The following AGAP1 variants were observed in gnomAD, a reference collection of about 807,000 sequenced individuals.
AGAP1 encodes ArfGAP with GTPase domain, ankyrin repeat and PH domain 1.
In AGAP1, 29 loss-of-function variants were observed where a neutral mutation model predicts 105.3. That is an observed-to-expected ratio of 0.28 (90% CI 0.21 to 0.38). The LOEUF (loss-of-function observed/expected upper bound fraction) is 0.38, where lower values mean the gene tolerates loss of function less well. AGAP1 is among the 10% of genes least tolerant of loss of function. The pLI, the probability that AGAP1 is intolerant of heterozygous loss-of-function variation, is 1.00. For synonymous variants in AGAP1, 509 were observed against 485.9 expected, an observed-to-expected ratio of 1.05 and a Z score of -0.63; for missense variants, 998 against 1,165.1, an observed-to-expected ratio of 0.86 and a Z score of 2.09.
In AGAP1 at chr2:236,123,854, C is replaced by T; in HGVS notation, c.2371-65C>T. 6.3e-7 allele frequency: 1 copy of T among 1,590,948 alleles called. No homozygotes were observed. Among genetic ancestry groups the T allele is most frequent in the East Asian group, 2.2e-5 (1 of 44,670 alleles). ...GCCACATGCAAGGGCTGAGAGAAAG[C>T]TTCCCTGCCCCCTCCCTCCATCACA... is the stretch of plus-strand genomic sequence containing the variant. On this transcript the variant is annotated intron_variant, in intron 17 of 17. Coordinates refer to ENST00000304032, the MANE Select transcript of AGAP1 (RefSeq NM_001037131.3). This position sits in a 1 kb window ranked among gnomAD's most constrained non-coding sequence, Gnocchi z 4.6.
chr2:235,568,583 A>T (rs1043999411), intron 1 of AGAP1, among the ~76,000 whole-genome samples: 1 of 152,034 alleles, frequency 6.6e-6, no homozygotes, highest in African/African-American at 2.4e-5. Context: ...TTGGAGGAGG[A>T]TGTGGATCGC....
chr2:236,063,609 G>C (rs1055345322), intron 16 of AGAP1, among the ~76,000 whole-genome samples: 1 of 152,206 alleles, frequency 6.6e-6, no homozygotes. Context: ...AAGATTAATT[G>C]ATTGATTTCT....
chr2:235,799,708 G>A lies in AGAP1; in HGVS notation c.957+186G>A, dbSNP rs536214577. On this transcript the variant is annotated intron_variant, in intron 8 of 17. Transcript: ENST00000304032. The surrounding 1 kb of genome is among the most constrained non-coding windows in gnomAD (Gnocchi z 5.0). ...AAGATTTGGATGTTGAGTAGAATGGGAATTTCTTCATGTAGACATTCCTGA... is the reference window on the plus strand; with the variant it reads ...AAGATTTGGATGTTGAGTAGAATGGAAATTTCTTCATGTAGACATTCCTGA... 6.6e-6 allele frequency among the ~76,000 whole-genome samples: 1 copy of A among 152,172 alleles called. No individual in the cohort carries two copies. The highest frequency in any genetic ancestry group is 2.4e-5 in the African/African-American group (1 of 41,438).
chr2:235,922,051 T>G (rs1268877028), intron 11 of AGAP1, among the ~76,000 whole-genome samples: 1 of 152,230 alleles, frequency 6.6e-6, no homozygotes, highest in Non-Finnish European at 1.5e-5. Flanking sequence ...CGTCGCCTCC[T>G]TCATCCAGTT....
In AGAP1 at chr2:235,659,914, A is replaced by G. The variant is rs773262674; in HGVS notation, c.164-49265A>G. Among the ~76,000 whole-genome samples, 1 of 152,096 alleles carries G rather than the reference A, an allele frequency of 6.6e-6. No individual in the cohort carries two copies. The highest frequency in any genetic ancestry group is 1.9e-4 in the East Asian group (1 of 5,182). On this transcript the variant is annotated intron_variant, in intron 1 of 17. Coordinates refer to ENST00000304032, the MANE Select transcript of AGAP1 (RefSeq NM_001037131.3). This position sits in a 1 kb window ranked among gnomAD's most constrained non-coding sequence, Gnocchi z 5.0. ...GCTCTTTGTGCACAATGGGCCTGGC[A>G]TGGGCCCAGGCTGGTGGGGTGGGCA...
At chr2:235,823,634 T>C (rs1261375835) in intron 9 of AGAP1, among the ~76,000 whole-genome samples, 1 of 152,222 alleles carries the variant, frequency 6.6e-6, no homozygotes, top group Non-Finnish European at 1.5e-5. Flanking sequence ...TCTTATTCCT[T>C]GTGCACTTCT....
In AGAP1 at chr2:236,095,885, G is replaced by A. The variant is rs907334964; in HGVS notation, c.2115-24307G>A. 2.8e-5 allele frequency among the ~76,000 whole-genome samples: 4 copies of A among 144,640 alleles called. No homozygotes were observed. The Admixed American group carries it at 2.8e-4, about 10-fold the overall frequency. 94.9% of individuals were successfully genotyped at this position (144,640 alleles called of 152,430 possible). A position where few individuals can be genotyped will look rare whatever the true frequency, so the allele number is the denominator to read the frequency against. The stretch of plus-strand genomic sequence containing the variant: ...AGCTGCTTTTTTCCTTTTAGGATGT[G>A]CCTCTCCATAGAGAAGAAGTTCACA... On this transcript the variant is annotated intron_variant, in intron 16 of 17. Coordinates refer to ENST00000304032, the MANE Select transcript of AGAP1 (RefSeq NM_001037131.3). The surrounding 1 kb of genome is among the most constrained non-coding windows in gnomAD (Gnocchi z 4.1).
In AGAP1 at chr2:235,720,164, T is replaced by C. The variant is rs1208929132; in HGVS notation, c.310+2520T>C. 2.6e-5 allele frequency among the ~76,000 whole-genome samples: 4 copies of C among 152,218 alleles called. No homozygotes were observed. Among genetic ancestry groups the C allele is most frequent in the Admixed American group, 1.3e-4 (2 of 15,292 alleles). ...AAACAAATGAGAAGCCGTGTTTCTT[T>C]CATACCACGGTCTTGCCATCCTGAA... On this transcript the variant is annotated intron_variant, in intron 3 of 17. Transcript: ENST00000304032. The surrounding 1 kb of genome is among the most constrained non-coding windows in gnomAD (Gnocchi z 5.0).
At chr2:235,884,452 GTT>G (rs35976413) in intron 10 of AGAP1, among the ~76,000 whole-genome samples, 7 of 124,626 alleles carry the variant, frequency 5.6e-5, no homozygotes, top group African/African-American at 9.4e-5. Flanking sequence ...ATTTTTCACT[GTT>G]TTTTTTTTTT....
At position 235,720,962 on chromosome 2, in the gene AGAP1, C is replaced by G. The variant is rs1395637549; in HGVS notation, c.310+3318C>G. ...GATGCATTTTGGTTGATATTTTATT[C>G]TTGTAGTGAAGAGAGCCAACTCACA... On this transcript the variant is annotated intron_variant, in intron 3 of 17. Coordinates refer to ENST00000304032, the MANE Select transcript of AGAP1 (RefSeq NM_001037131.3). The surrounding 1 kb of genome is among the most constrained non-coding windows in gnomAD (Gnocchi z 5.0). Among the ~76,000 whole-genome samples, 1 of 152,136 alleles carries G rather than the reference C, an allele frequency of 6.6e-6. No homozygotes were observed. Among genetic ancestry groups the G allele is most frequent in the Non-Finnish European group, 1.5e-5 (1 of 68,026 alleles).
At chr2:236,048,747 C>T (rs2057803480) in intron 15 of AGAP1, among the ~76,000 whole-genome samples, 1 of 152,214 alleles carries the variant, frequency 6.6e-6, no homozygotes, top group Admixed American at 6.5e-5. Context: ...TCAGCCCTCT[C>T]AAGGTGAATG....
In AGAP1 at chr2:236,073,944, C is replaced by G. The variant is rs1362325173; in HGVS notation, c.2114+24663C>G. ...GCTGCACATCCCAGCTCAAGAACCA[C>G]CCTCTGGGTGCCAAGGTCTCCTCCA... On this transcript the variant is annotated intron_variant, in intron 16 of 17. Coordinates refer to ENST00000304032, the MANE Select transcript of AGAP1 (RefSeq NM_001037131.3). The surrounding 1 kb of genome is among the most constrained non-coding windows in gnomAD (Gnocchi z 5.4). Among the ~76,000 whole-genome samples the G allele has an allele frequency of 5.9e-5, 9 of 152,038 alleles. No individual in the cohort carries two copies. In the South Asian group the frequency reaches 1.9e-3, roughly 32 times the overall value.
Position 235,552,635 on chromosome 2 carries a change from A to G in AGAP1, c.163+57786A>G, listed in dbSNP as rs1943849833. On this transcript the variant is annotated intron_variant, in intron 1 of 17. Transcript: ENST00000304032. This position sits in a 1 kb window ranked among gnomAD's most constrained non-coding sequence, Gnocchi z 5.9. ...GCGGCGTATGGGCAGGTGCACACAC[A>G]CCTGGCAGAGGTTTGGAGCTGGGTT... Among the ~76,000 whole-genome samples the G allele has an allele frequency of 6.6e-6, 1 of 152,166 alleles. No individual in the cohort carries two copies. The highest frequency in any genetic ancestry group is 2.4e-5 in the African/African-American group (1 of 41,454).
At chr2:235,759,410 C>T (rs1261711978) in intron 6 of AGAP1, among the ~76,000 whole-genome samples, 3 of 151,980 alleles carry the variant, frequency 2.0e-5, no homozygotes, top group South Asian at 2.1e-4. Flanking sequence ...ACCTCGTGAT[C>T]CGCCCGCCTT....
intron 10 of AGAP1, among the ~76,000 whole-genome samples, chr2:235,902,566 C>T (rs913361288): frequency 6.6e-5 from 10 of 152,126 alleles, no homozygotes; most frequent in Non-Finnish European, 1.3e-4. Flanking sequence ...TTTGTATCAC[C>T]GCCAATCTTG....
At chr2:235,715,279 A>G (rs1380898857) in intron 2 of AGAP1, among the ~76,000 whole-genome samples, 1 of 152,136 alleles carries the variant, frequency 6.6e-6, no homozygotes, top group Admixed American at 6.5e-5. Context: ...GCCAGGGACT[A>G]TGACAAGTGT....
At chr2:235,899,814 AGGTTTGAGCAGGCATG>A (rs1323382396) in intron 10 of AGAP1, among the ~76,000 whole-genome samples, 2 of 152,218 alleles carry the variant, frequency 1.3e-5, no homozygotes, top group Non-Finnish European at 2.9e-5. Flanking sequence ...CGTACAGGCT[AGGTTTGAGCAGGCATG>A]GGTTACAACT....
intron 12 of AGAP1, among the ~76,000 whole-genome samples, chr2:235,950,724 C>T (rs1265774659): frequency 6.6e-6 from 1 of 152,124 alleles, no homozygotes; most frequent in Non-Finnish European, 1.5e-5. Context: ...AGGAAAATGT[C>T]AATTATTACA....
rs1021878072 is a variant in AGAP1 at position 235,877,469 on chromosome 2, C to G, written c.1051-5876C>G. On this transcript the variant is annotated intron_variant, in intron 9 of 17. Coordinates refer to ENST00000304032, the MANE Select transcript of AGAP1 (RefSeq NM_001037131.3). This position sits in a 1 kb window ranked among gnomAD's most constrained non-coding sequence, Gnocchi z 4.3. ...TATCACGTGGTGACCCCAGTCTCTT[C>G]CTTTCCTGCTTTCATACTGAGAAAT... Among the ~76,000 whole-genome samples the G allele has an allele frequency of 1.3e-5, 2 of 152,094 alleles. No homozygotes were observed. Among genetic ancestry groups the G allele is most frequent in the African/African-American group, 2.4e-5 (1 of 41,432 alleles).
Sources: allele counts gnomAD v4.1 joint callset (sites outside exome capture counted in the v4.1 genomes callset), GRCh38; gene constraint gnomAD v4.1.1; non-coding constraint Gnocchi (gnomAD v3.1); transcripts MANE v1.5; gene names NCBI Gene and HGNC (gene_info 2026-07-23, HGNC 2026-07-21).